SGCD: variants seen among roughly 807,000 people sequenced by gnomAD.
The protein encoded by SGCD is delta-sarcoglycan.
In SGCD, 18 loss-of-function variants were observed where a neutral mutation model predicts 36.6. The observed-to-expected ratio is 0.49, with a 90% CI of 0.34 to 0.73. The LOEUF (loss-of-function observed/expected upper bound fraction) is 0.73. Ranked by LOEUF, SGCD falls within the 30% of genes least tolerant of loss-of-function variation. SGCD has a pLI of 0.01. For synonymous variants in SGCD, 133 were observed against 130.6 expected (o/e 1.02, Z -0.12); for missense variants, 387 against 346.7 (o/e 1.12, Z -0.92).
At chr5:156,608,562 G>A (rs1761603495) in intron 6 of SGCD, among the ~76,000 whole-genome samples, 1 of 152,162 alleles carries the variant, frequency 6.6e-6, no homozygotes, top group Non-Finnish European at 1.5e-5. Context: ...TATCAGGTCT[G>A]CTTGGTGCAG....
chr5:156,352,140 C>A (rs1178768065), intron 3 of SGCD, among the ~76,000 whole-genome samples: 1 of 152,148 alleles, frequency 6.6e-6, no homozygotes, highest in Non-Finnish European at 1.5e-5. Flanking sequence ...AAAGACCTTC[C>A]AAAATACTGT....
chr5:156,523,931 C>A (rs1466660664), intron 4 of SGCD, among the ~76,000 whole-genome samples: 1 of 150,284 alleles, frequency 6.7e-6, no homozygotes, highest in Non-Finnish European at 1.5e-5. Flanking sequence ...TTAGAAACTG[C>A]AACTTTAAGT....
At chr5:156,531,821 G>T (rs1393451812) in intron 4 of SGCD, among the ~76,000 whole-genome samples, 1 of 151,960 alleles carries the variant, frequency 6.6e-6, no homozygotes, top group South Asian at 2.1e-4. Context: ...TAAATGTATG[G>T]ACATGGGCTA....
chr5:156,036,733 A>G (rs1180197037), intron 1 of SGCD, among the ~76,000 whole-genome samples: 1 of 152,144 alleles, frequency 6.6e-6, no homozygotes, highest in Non-Finnish European at 1.5e-5. Flanking sequence ...GAGAGACTCA[A>G]ATTTTCCTTT....
At chr5:155,755,095 C>T in the SGCD span, among the ~76,000 whole-genome samples, 1 of 152,174 alleles carries the variant, frequency 6.6e-6, no homozygotes, top group Non-Finnish European at 1.5e-5. Context: ...GCAAGAGGCC[C>T]TGATGCTACA....
At chr5:156,173,981 T>C (rs1763403273) in intron 3 of SGCD, among the ~76,000 whole-genome samples, 1 of 152,230 alleles carries the variant, frequency 6.6e-6, no homozygotes, top group Non-Finnish European at 1.5e-5. Flanking sequence ...TGAGCATAAT[T>C]ATTCCTGTTG....
chr5:156,584,565 A>G (rs76354388), intron 4 of SGCD, among the ~76,000 whole-genome samples: 3,408 of 152,346 alleles, frequency 0.022, 39 homozygotes, highest in Non-Finnish European at 0.03. Flanking sequence ...TGCCCAGCAC[A>G]GATTCCAGGC....
intron 7 of SGCD, among the ~76,000 whole-genome samples, chr5:156,656,280 TA>T (rs1763675031): frequency 1.3e-5 from 2 of 152,040 alleles, no homozygotes; most frequent in Admixed American, 1.3e-4. Context: ...AATTGATAGT[TA>T]AAGGGAATAC....
chr5:156,286,745 G>A (rs981086930), intron 3 of SGCD, among the ~76,000 whole-genome samples: 1 of 151,892 alleles, frequency 6.6e-6, no homozygotes. Context: ...ACTGGGTGCA[G>A]CACACCAACA....
At chr5:155,905,940 C>T (rs765467377) in intron 1 of SGCD, among the ~76,000 whole-genome samples, 9 of 152,174 alleles carry the variant, frequency 5.9e-5, no homozygotes, top group Non-Finnish European at 7.4e-5. Context: ...AGCATGAAAA[C>T]GAACTAATAC....
intron 1 of SGCD, among the ~76,000 whole-genome samples, chr5:156,092,339 T>C (rs1761265122): frequency 6.6e-6 from 1 of 152,224 alleles, no homozygotes; most frequent in African/African-American, 2.4e-5. Flanking sequence ...ATTTGGGCCT[T>C]CTGCAGAGAC....
chr5:156,144,447 G>A (rs1249406195), intron 3 of SGCD, among the ~76,000 whole-genome samples: 5 of 152,248 alleles, frequency 3.3e-5, no homozygotes, highest in Non-Finnish European at 7.4e-5. Context: ...GTGTGAGATG[G>A]TATCTCATTG....
At chr5:156,165,388 C>A (rs1554081338) in intron 3 of SGCD, among the ~76,000 whole-genome samples, 2 of 152,148 alleles carry the variant, frequency 1.3e-5, no homozygotes, top group Non-Finnish European at 2.9e-5. Flanking sequence ...GAGATGGAAT[C>A]TTTTTCAGAG....
chr5:156,612,348 G>C (rs1561814720), intron 6 of SGCD, among the ~76,000 whole-genome samples: 2 of 152,234 alleles, frequency 1.3e-5, no homozygotes, highest in Non-Finnish European at 2.9e-5. Context: ...CTTTGTCAGT[G>C]ATAGCTGTGA....
In SGCD at chr5:156,613,495, A is replaced by G. The variant is rs1376074130; in HGVS notation, c.502+18444A>G. 5.9e-5 allele frequency among the ~76,000 whole-genome samples: 9 copies of G among 152,340 alleles called. No individual in the cohort carries two copies. The East Asian group carries it at 1.5e-3, about 26-fold the overall frequency. On this transcript the variant is annotated intron_variant, in intron 6 of 8. Transcript: ENST00000337851. The stretch of plus-strand genomic sequence containing the variant: ...GGTCTCACTGTCATATGTATTCTCC[A>G]GTTGGACCTTAAGTAATGGAGAGAT...
intron 3 of SGCD, among the ~76,000 whole-genome samples, chr5:156,422,755 G>C (rs1354159494): frequency 6.6e-6 from 1 of 151,994 alleles, no homozygotes; most frequent in Non-Finnish European, 1.5e-5. Context: ...TGTCCTGCTA[G>C]TTGCCAGTAG....
At chr5:156,158,691 G>C (rs1251992185) in intron 3 of SGCD, among the ~76,000 whole-genome samples, 1 of 151,580 alleles carries the variant, frequency 6.6e-6, no homozygotes, top group Non-Finnish European at 1.5e-5. Flanking sequence ...AGTCAATGTG[G>C]AGGAGCAAAT....
chr5:156,533,777 G>T (rs1757983681), intron 4 of SGCD, among the ~76,000 whole-genome samples: 1 of 152,128 alleles, frequency 6.6e-6, no homozygotes, highest in Non-Finnish European at 1.5e-5. Flanking sequence ...AGAAAGGATT[G>T]TCTTCATTCT....
intron 4 of SGCD, among the ~76,000 whole-genome samples, chr5:156,573,740 C>A (rs1054558377): frequency 6.6e-6 from 1 of 152,150 alleles, no homozygotes; most frequent in African/African-American, 2.4e-5. Flanking sequence ...ATCACCCAGT[C>A]TGGAGTACAG....
Sources: allele counts gnomAD v4.1 joint callset (sites outside exome capture counted in the v4.1 genomes callset), GRCh38; gene constraint gnomAD v4.1.1; transcripts MANE v1.5; gene names NCBI Gene and HGNC (gene_info 2026-07-23, HGNC 2026-07-21).